DDHD1: variants seen among roughly 807,000 people sequenced by gnomAD.
DDHD1 encodes the protein DDHD domain containing 1, also known as phospholipase DDHD1.
In DDHD1, 49 loss-of-function variants were observed where a neutral mutation model predicts 96.4. The observed-to-expected ratio is 0.51, with a 90% confidence interval of 0.40 to 0.64. DDHD1 has a LOEUF of 0.64. Among genes scored for constraint, DDHD1 ranks in the 30% least tolerant of loss-of-function variants. DDHD1 has a pLI of 0.00. For synonymous variants in DDHD1, 442 were observed against 446.5 expected, an observed-to-expected ratio of 0.99 and a Z score of 0.13; for missense variants, 1,106 against 1,161.2, an observed-to-expected ratio of 0.95 and a Z score of 0.69.
chr14:53,102,951 G>C, intron 2 of DDHD1: 3 of 1,367,802 alleles, frequency 2.2e-6, no homozygotes, highest in South Asian at 2.6e-5. Context: ...ATAAAGACTA[G>C]CATGGATGAA....
chr14:53,096,457 GATT>G (rs1378561630), intron 2 of DDHD1, among the ~76,000 whole-genome samples: 1 of 151,878 alleles, frequency 6.6e-6, no homozygotes, highest in African/African-American at 2.4e-5. Context: ...AAAAACAACT[GATT>G]ATCATGTTTA....
rs532615861 is a variant in DDHD1 at position 53,052,540 on chromosome 14, A to G, written c.2438-613T>C. 2.6e-5 allele frequency: 4 copies of G among 152,280 alleles called. No individual in the cohort carries two copies. In the East Asian group the frequency reaches 7.7e-4, roughly 29 times the overall value. 9.4% of individuals were successfully genotyped at this position (152,280 alleles called of 1,614,324 possible). The stretch of plus-strand genomic sequence containing the variant: ...AGAAGATTTAATGAAGAAAAGTTTT[A>G]TGATTTGCACGATATAGCCAAGACA... On this transcript the variant is annotated intron_variant, in intron 11 of 12. Coordinates refer to ENST00000673822, the MANE Select transcript of DDHD1 (RefSeq NM_001160148.2).
chr14:53,133,254 A>G (rs1199501469), intron 1 of DDHD1, among the ~76,000 whole-genome samples: 1 of 152,168 alleles, frequency 6.6e-6, no homozygotes, highest in East Asian at 1.9e-4. Flanking sequence ...CTTTACTCAC[A>G]TGCCTCGAGT....
intron 1 of DDHD1, among the ~76,000 whole-genome samples, chr14:53,137,568 G>GGTGACACA (rs1462322213): frequency 1.3e-5 from 2 of 151,634 alleles, no homozygotes; most frequent in Admixed American, 1.3e-4. Context: ...CTCCAGCCTG[G>GGTGACACA]GTGACACAGT....
At chr14:53,086,622 G>A (rs1299925342) in intron 4 of DDHD1, among the ~76,000 whole-genome samples, 1 of 152,006 alleles carries the variant, frequency 6.6e-6, no homozygotes, top group South Asian at 2.1e-4. Context: ...GTCACCCCCG[G>A]GCCTGCCTTA....
At chr14:53,103,595 T>C (rs1020090038) in intron 2 of DDHD1, 88 bp downstream of exon 2, 1 of 1,105,954 alleles carries the variant, frequency 9.0e-7, no homozygotes, top group Non-Finnish European at 1.2e-6. Context: ...ACCTCCTGAA[T>C]TATTATGTCA....
At chr14:53,075,060 C>T (rs1241520445) in intron 4 of DDHD1, among the ~76,000 whole-genome samples, 1 of 152,152 alleles carries the variant, frequency 6.6e-6, no homozygotes. Flanking sequence ...TCCGTATTAT[C>T]CCTGAGACAC....
At chr14:53,064,615 C>T (rs2139877415) in intron 6 of DDHD1, among the ~76,000 whole-genome samples, 1 of 152,196 alleles carries the variant, frequency 6.6e-6, no homozygotes, top group Admixed American at 6.5e-5. Context: ...AAATATTTCA[C>T]TATGGAATGA....
At chr14:53,103,379 T>C (rs1887454958) in intron 2 of DDHD1, 2 of 359,488 alleles carry the variant, frequency 5.6e-6, no homozygotes, top group Non-Finnish European at 9.8e-6. Flanking sequence ...AAGTTCAATT[T>C]CCTTTGATAA....
intron 1 of DDHD1, chr14:53,149,790 G>C (rs971346931): frequency 6.6e-6 from 1 of 152,182 alleles, no homozygotes; most frequent in Non-Finnish European, 1.5e-5. Context: ...ATTACCTTTA[G>C]GTTAACTTCT....
chr14:53,116,051 G>A (rs1332882133), intron 1 of DDHD1, among the ~76,000 whole-genome samples: 3 of 151,744 alleles, frequency 2.0e-5, no homozygotes, highest in Non-Finnish European at 2.9e-5. Context: ...CAAATGCAAT[G>A]GGAAAAAAAA....
Position 53,113,520 on chromosome 14 carries a change from G to A in DDHD1, c.839-9664C>T, listed in dbSNP as rs965691000. 3.3e-5 allele frequency among the ~76,000 whole-genome samples: 5 copies of A among 151,938 alleles called. No individual in the cohort carries two copies. In the East Asian group the frequency reaches 7.7e-4, roughly 24 times the overall value. On this transcript the variant is annotated intron_variant, in intron 1 of 12. Coordinates refer to ENST00000673822, the MANE Select transcript of DDHD1 (RefSeq NM_001160148.2). ...CCCAGTGAGACCAATGCAGAAGGAGGGTGATTTCTGCATTTCCAACTGAGG... is the reference window on the plus strand; with the variant it reads ...CCCAGTGAGACCAATGCAGAAGGAGAGTGATTTCTGCATTTCCAACTGAGG...
chr14:53,102,224 G>T (rs1481944598), intron 2 of DDHD1, among the ~76,000 whole-genome samples: 1 of 152,020 alleles, frequency 6.6e-6, no homozygotes, highest in Non-Finnish European at 1.5e-5. Context: ...GACCAATAGT[G>T]ATGAGAAGTT....
intron 2 of DDHD1, 137 bp downstream of exon 2, chr14:53,103,543 GAAT>G: frequency 1.5e-6 from 1 of 658,200 alleles, no homozygotes; most frequent in Middle Eastern, 4.3e-4. Context: ...TTAAATTCTA[GAAT>G]AATCAAATGT....
Position 53,076,921 on chromosome 14 carries a change from C to T in DDHD1, c.1290-3074G>A, listed in dbSNP as rs138117160. Among the ~76,000 whole-genome samples, 416 of 152,226 alleles carry T rather than the reference C, an allele frequency of 2.7e-3. 1 individual carries two copies. The highest frequency in any genetic ancestry group is 9.5e-3 in the African/African-American group (396 of 41,530). ...GCTATCACATACTTGTTTACAGTGT[C>T]GTGTAAACATAACTTTTATATGCAC... On this transcript the variant is annotated intron_variant, in intron 4 of 12. Transcript: ENST00000673822.
chr14:53,153,149 A>T lies in DDHD1; in HGVS notation c.-51T>A, dbSNP rs1258072941. On this transcript the variant is annotated 5_prime_UTR_variant, in exon 1 of 13. Transcript: ENST00000673822. ...GGCGGCGCGCGGAGCCGTGACCCCC[A>T]GCGCTTCCGCCACACATTCAACGCC... 7.6e-7 allele frequency: 1 copy of T among 1,316,900 alleles called. No individual in the cohort carries two copies. The highest frequency in any genetic ancestry group is 1.6e-5 in the African/African-American group (1 of 63,602). The allele number at this position is 1,316,900 out of a possible 1,614,324, so 81.6% of individuals were successfully genotyped here. A position where few individuals can be genotyped will look rare whatever the true frequency, so the allele number is the denominator to read the frequency against.
intron 6 of DDHD1, among the ~76,000 whole-genome samples, chr14:53,064,535 T>G (rs1314900057): frequency 6.6e-6 from 1 of 152,086 alleles, no homozygotes; most frequent in African/African-American, 2.4e-5. Context: ...ACTTCATTAG[T>G]TTGGCAATCA....
At chr14:53,098,842 T>G (rs1417211149) in intron 2 of DDHD1, among the ~76,000 whole-genome samples, 2 of 152,128 alleles carry the variant, frequency 1.3e-5, no homozygotes, top group Non-Finnish European at 2.9e-5. Flanking sequence ...CACCTGAAAT[T>G]ACCTGGAACA....
intron 4 of DDHD1, among the ~76,000 whole-genome samples, chr14:53,087,495 G>A (rs1886078733): frequency 6.6e-6 from 1 of 152,078 alleles, no homozygotes; most frequent in South Asian, 2.1e-4. Flanking sequence ...TTAGAACTCA[G>A]GATTAAGAAA....
Sources: gnomAD v4.1 joint callset for allele counts (sites outside exome capture counted in the v4.1 genomes callset) on GRCh38, gnomAD v4.1.1 for gene constraint, MANE v1.5 for transcripts, NCBI Gene and HGNC (gene_info 2026-07-23, HGNC 2026-07-21) for gene names.